Variants in WDR70 observed in about 807,000 individuals in gnomAD.
WDR70 encodes the protein WD repeat domain 70.
Under a neutral mutation model 88.6 loss-of-function variants are expected in WDR70, and 53 were observed. The ratio of observed to expected loss-of-function variants is 0.60; its 90% confidence interval spans 0.48 to 0.75. The LOEUF (loss-of-function observed/expected upper bound fraction) is 0.75. WDR70 is among the 30% of genes least tolerant of loss of function. The probability of loss-of-function intolerance (pLI) is 0.00; values close to 1 mark genes in which losing one functional copy is unlikely to be tolerated. For missense variants in WDR70, 610 were observed against 823.2 expected (o/e 0.74, Z 3.17); for synonymous variants, 280 against 270.0 (o/e 1.04, Z -0.36).
At chr5:37,472,216 C>G (rs995403059) in intron 7 of WDR70, among the ~76,000 whole-genome samples, 2 of 151,984 alleles carry the variant, frequency 1.3e-5, no homozygotes, top group Non-Finnish European at 2.9e-5. Context: ...TTTGCATACA[C>G]TTGCATAAGT....
At chr5:37,695,619 G>A (rs986027072) in intron 10 of WDR70, among the ~76,000 whole-genome samples, 5 of 152,102 alleles carry the variant, frequency 3.3e-5, no homozygotes, top group East Asian at 3.9e-4. Context: ...TCTTTAAGTC[G>A]ATAGTGACAT....
At chr5:37,612,092 C>G (rs1744207771) in intron 10 of WDR70, among the ~76,000 whole-genome samples, 1 of 152,082 alleles carries the variant, frequency 6.6e-6, no homozygotes, top group Non-Finnish European at 1.5e-5. Flanking sequence ...ACGGTATTCA[C>G]TCTAAGGAGA....
rs189651354 is a variant in WDR70 at position 37,449,980 on chromosome 5, G to A, written c.686+6608G>A. 2.7e-4 allele frequency among the ~76,000 whole-genome samples: 41 copies of A among 152,202 alleles called. 1 individual carries two copies. The East Asian group carries it at 7.9e-3, about 29-fold the overall frequency. On this transcript the variant is annotated intron_variant, in intron 7 of 17. Transcript: ENST00000265107. ...TTCTCATTGTTCAGCTCCCACTTAT[G>A]AGTGAGAACATGTGGTGTTTGGTTT...
At chr5:37,646,955 C>T (rs1745257028) in intron 10 of WDR70, among the ~76,000 whole-genome samples, 1 of 152,092 alleles carries the variant, frequency 6.6e-6, no homozygotes, top group African/African-American at 2.4e-5. Context: ...AGTTTTTACT[C>T]CCATCTCGAT....
chr5:37,597,309 A>G (rs577476386), intron 9 of WDR70, among the ~76,000 whole-genome samples: 74 of 152,300 alleles, frequency 4.9e-4, no homozygotes, highest in African/African-American at 1.6e-3. Flanking sequence ...CATTCCCACA[A>G]TCAATGTATG....
chr5:37,610,756 G>A (rs1445445089), intron 10 of WDR70, among the ~76,000 whole-genome samples: 3 of 152,156 alleles, frequency 2.0e-5, no homozygotes, highest in Non-Finnish European at 4.4e-5. Flanking sequence ...GGAAGAGTTA[G>A]GGAAGGCAGA....
At chr5:37,442,576 G>T (rs1750689987) in intron 6 of WDR70, among the ~76,000 whole-genome samples, 1 of 152,062 alleles carries the variant, frequency 6.6e-6, no homozygotes, top group Non-Finnish European at 1.5e-5. Flanking sequence ...CCCTGCCTTG[G>T]CCTCCCGAAG....
At chr5:37,538,931 A>T (rs1741739865) in intron 9 of WDR70, among the ~76,000 whole-genome samples, 1 of 152,224 alleles carries the variant, frequency 6.6e-6, no homozygotes, top group African/African-American at 2.4e-5. Context: ...GAATTGTAAT[A>T]GTGTACCAAG....
intron 4 of WDR70, among the ~76,000 whole-genome samples, chr5:37,395,300 T>G (rs546409966): frequency 3.7e-4 from 57 of 152,182 alleles, no homozygotes; most frequent in Non-Finnish European, 7.1e-4. Context: ...GGAATCAGTA[T>G]GCTATGCCCT....
At chr5:37,579,916 G>A (rs371521365) in intron 9 of WDR70, among the ~76,000 whole-genome samples, 12 of 151,790 alleles carry the variant, frequency 7.9e-5, no homozygotes, top group South Asian at 4.2e-4. Flanking sequence ...GCTGTCCTAG[G>A]ACTTTTAGAT....
chr5:37,564,753 T>C (rs1742688276), intron 9 of WDR70, among the ~76,000 whole-genome samples: 1 of 152,226 alleles, frequency 6.6e-6, no homozygotes, highest in African/African-American at 2.4e-5. Flanking sequence ...GACAATTATA[T>C]AGGATCCAAT....
intron 9 of WDR70, among the ~76,000 whole-genome samples, chr5:37,573,874 CA>C (rs1163553506): frequency 8.5e-5 from 13 of 152,162 alleles, no homozygotes; most frequent in Non-Finnish European, 1.8e-4. Context: ...GGCTTCTCAG[CA>C]ACCCTCAGCA....
At chr5:37,425,028 T>C (rs928102102) in intron 5 of WDR70, among the ~76,000 whole-genome samples, 7 of 152,298 alleles carry the variant, frequency 4.6e-5, no homozygotes, top group Non-Finnish European at 8.8e-5. Flanking sequence ...TGGGGCTCAC[T>C]TGAGCCCAGG....
chr5:37,463,874 C>A (rs1472457869), intron 7 of WDR70, among the ~76,000 whole-genome samples: 1 of 152,156 alleles, frequency 6.6e-6, no homozygotes, highest in Non-Finnish European at 1.5e-5. Context: ...GAGCTTGATG[C>A]TGAACATTTC....
chr5:37,528,322 C>T (rs1489147143), intron 9 of WDR70, among the ~76,000 whole-genome samples: 2 of 152,096 alleles, frequency 1.3e-5, no homozygotes, highest in Admixed American at 1.3e-4. Context: ...AGTTCATGTC[C>T]GTTGTATGGA....
chr5:37,738,461 A>C (rs564138722), intron 17 of WDR70, among the ~76,000 whole-genome samples: 1 of 152,296 alleles, frequency 6.6e-6, no homozygotes, highest in East Asian at 1.9e-4. Flanking sequence ...AGCTGAAAAC[A>C]TTTTGTTACA....
intron 7 of WDR70, among the ~76,000 whole-genome samples, chr5:37,446,508 C>CT (rs1268524490): frequency 6.6e-6 from 1 of 152,164 alleles, no homozygotes; most frequent in Non-Finnish European, 1.5e-5. Context: ...AAGAACAAAG[C>CT]TGGAGGCATC....
chr5:37,487,324 C>T (rs1468456312), intron 8 of WDR70, among the ~76,000 whole-genome samples: 18 of 151,872 alleles, frequency 1.2e-4, no homozygotes, highest in Admixed American at 1.2e-3. Context: ...AATTCAACTA[C>T]TATTACTTGA....
At chr5:37,443,179 G>A in intron 6 of WDR70, 60 bp from the exon 7 acceptor site, 1 of 1,531,428 alleles carries the variant, frequency 6.5e-7, no homozygotes, top group Non-Finnish European at 8.8e-7. Context: ...GAAATGGGAG[G>A]TTATAATTGA....
Sources: allele counts gnomAD v4.1 joint callset (sites outside exome capture counted in the v4.1 genomes callset), GRCh38; gene constraint gnomAD v4.1.1; transcripts MANE v1.5; gene names NCBI Gene and HGNC (gene_info 2026-07-23, HGNC 2026-07-21).